COL1A2: variants seen among roughly 807,000 people sequenced by gnomAD.
COL1A2 encodes the protein collagen alpha-2(I) chain.
Under a neutral mutation model 174.3 loss-of-function variants are expected in COL1A2, and 49 were observed. The observed-to-expected ratio is 0.28, with a 90% confidence interval of 0.22 to 0.36. The LOEUF is 0.36. COL1A2 is among the 10% of genes least tolerant of loss of function. COL1A2 has a pLI of 1.00. For synonymous variants in COL1A2, 655 were observed against 606.6 expected (o/e 1.08, Z -1.17); for missense variants, 1,438 against 1,822.7 (o/e 0.79, Z 3.84).
chr7:94,416,700 T>G (rs866343285), intron 31 of COL1A2, 197 bp downstream of exon 31: 6 of 586,208 alleles, frequency 1.0e-5, no homozygotes, highest in South Asian at 4.2e-5. Context: ...CAACAAACTG[T>G]GGGGGAAAAT....
At position 94,414,285 on chromosome 7, in the gene COL1A2, A is replaced by G. The variant is rs779198513; in HGVS notation, c.1719+10A>G. 2 of 1,613,612 alleles carry G rather than the reference A, an allele frequency of 1.2e-6. No homozygotes were observed. Among genetic ancestry groups the G allele is most frequent in the East Asian group, 4.5e-5 (2 of 44,870 alleles). On this transcript the variant is annotated intron_variant, in intron 29 of 51. Transcript: ENST00000297268. The stretch of plus-strand genomic sequence containing the variant: ...CAAACCAGGAGAAAGGGTGAGTAAA[A>G]CAAGTAATAGTAAGTAGTAACTACT...
chr7:94,429,552 C>T (rs1289856495), intron 51 of COL1A2, 122 bp downstream of exon 51: 3 of 967,506 alleles, frequency 3.1e-6, no homozygotes, highest in East Asian at 2.4e-5. Flanking sequence ...AGAGAACTAA[C>T]TTATTTCATA....
Position 94,427,867 on chromosome 7 carries a change from C to CA in COL1A2, c.3509dup (p.His1170GlnfsTer12). 1 of 1,614,144 alleles carries CA rather than the reference C, an allele frequency of 6.2e-7. No homozygotes were observed. The highest frequency in any genetic ancestry group is 8.5e-7 in the Non-Finnish European group (1 of 1,180,020). The stretch of plus-strand genomic sequence containing the variant: ...CACATGCCGTGACTTGAGACTCAGC[C>CA]ACCCAGAGTGGAGCAGTGGTAGGTC... On this transcript the variant is annotated frameshift_variant, in exon 49 of 52. Coordinates refer to ENST00000297268, the MANE Select transcript of COL1A2 (RefSeq NM_000089.4). LOFTEE classifies it high-confidence loss of function.
chr7:94,398,342 C>T (rs1239711972), intron 2 of COL1A2, 40 bp from the exon 3 acceptor site: 6 of 753,422 alleles, frequency 8.0e-6, no homozygotes, highest in East Asian at 8.5e-5. Context: ...TATATATATA[C>T]AATTTTCTTC....
At position 94,420,566 on chromosome 7, in the gene COL1A2, A is replaced by G; in HGVS notation, c.2213A>G (p.Lys738Arg). 1 of 1,613,948 alleles carries G rather than the reference A, an allele frequency of 6.2e-7. No individual in the cohort carries two copies. The highest frequency in any genetic ancestry group is 8.5e-7 in the Non-Finnish European group (1 of 1,179,946). Residue 738 changes from lysine (K) to arginine (R), a missense_variant, in exon 37 of 52, where the codon AAA becomes AGA. Around this residue, in one of 3 missense-constraint regions of COL1A2, gnomAD observed 867 missense variants for 1,213.7 expected, o/e 0.71. Coordinates refer to ENST00000297268, the MANE Select transcript of COL1A2 (RefSeq NM_000089.4). ...GGTGCTGCTGGTCAACCTGGTGCTA[A>G]AGGAGAAAGAGGAGCCAAAGGGCCT... ...PAGAAGQPGA[K>R]GERGAKGPKG...
chr7:94,412,576 G>A lies in COL1A2; in HGVS notation c.1405-8G>A. The A allele has an allele frequency of 6.2e-7, 1 of 1,611,328 alleles. No individual in the cohort carries two copies. Among genetic ancestry groups the A allele is most frequent in the Non-Finnish European group, 8.5e-7 (1 of 1,178,026 alleles). ...CACTGAGTAAACTTGAAATAACTCT[G>A]CTTTCAGGGCCTCCCTGGCATCGAC... is the stretch of plus-strand genomic sequence containing the variant. On this transcript the variant is annotated splice_polypyrimidine_tract_variant and splice_region_variant and intron_variant, in intron 24 of 51. Coordinates refer to ENST00000297268, the MANE Select transcript of COL1A2 (RefSeq NM_000089.4).
intron 12 of COL1A2, among the ~76,000 whole-genome samples, chr7:94,407,356 A>ACTACTACTG (rs1562899908): frequency 6.6e-6 from 1 of 151,894 alleles, no homozygotes; most frequent in Non-Finnish European, 1.5e-5. Context: ...TACTACTACT[A>ACTACTACTG]CTACTACCCT....
Position 94,429,449 on chromosome 7 carries a change from T to C in COL1A2, c.3954+19T>C, listed in dbSNP as rs369698720. 1.2e-5 allele frequency: 20 copies of C among 1,613,092 alleles called. 1 individual carries two copies. In the African/African-American group the frequency reaches 1.7e-4, roughly 14 times the overall value. Reference sequence around the variant, plus strand: ...CTGCTCTGTAAGTAATAGTGAAATATGGGAATAGCTTTGGGAAGTGGGATG... The same window carrying C: ...CTGCTCTGTAAGTAATAGTGAAATACGGGAATAGCTTTGGGAAGTGGGATG... On this transcript the variant is annotated intron_variant, in intron 51 of 51. Coordinates refer to ENST00000297268, the MANE Select transcript of COL1A2 (RefSeq NM_000089.4).
intron 6 of COL1A2, among the ~76,000 whole-genome samples, chr7:94,403,796 G>A (rs575405632): frequency 2.6e-5 from 4 of 152,236 alleles, no homozygotes; most frequent in African/African-American, 9.6e-5. Flanking sequence ...AGCTTACACA[G>A]GCACTGATTA....
At chr7:94,419,853 A>G (rs1792118107) in intron 34 of COL1A2, among the ~76,000 whole-genome samples, 1 of 152,214 alleles carries the variant, frequency 6.6e-6, no homozygotes, top group African/African-American at 2.4e-5. Context: ...TTCAATTATT[A>G]CCAAAAAATC....
intron 6 of COL1A2, among the ~76,000 whole-genome samples, chr7:94,404,025 T>G (rs760043): frequency 0.15 from 22,283 of 152,208 alleles, 2,145 homozygotes; most frequent in East Asian, 0.26. Flanking sequence ...TTGTTTGACA[T>G]TTTCATCAGT....
intron 1 of COL1A2, among the ~76,000 whole-genome samples, chr7:94,397,402 C>T (rs1791605056): frequency 6.6e-6 from 1 of 152,106 alleles, no homozygotes; most frequent in Non-Finnish European, 1.5e-5. Context: ...ACTAGTCTTA[C>T]ATTCAGCGAT....
intron 1 of COL1A2, among the ~76,000 whole-genome samples, chr7:94,397,277 T>C (rs1160043020): frequency 6.6e-6 from 1 of 152,176 alleles, no homozygotes; most frequent in African/African-American, 2.4e-5. Flanking sequence ...CAATGTTTCA[T>C]AAAAAACAAA....
chr7:94,406,574 A>G (rs868287949), intron 12 of COL1A2, among the ~76,000 whole-genome samples: 4 of 152,156 alleles, frequency 2.6e-5, no homozygotes, highest in Admixed American at 1.3e-4. Context: ...TCCTCCCTCT[A>G]TAATTCCAGT....
At chr7:94,416,739 G>A in intron 31 of COL1A2, 1 of 544,148 alleles carries the variant, frequency 1.8e-6, no homozygotes, top group South Asian at 2.3e-5. Context: ...AAATGAATTA[G>A]TATGGGTTGT....
rs1270678648 is a variant in COL1A2, at chr7:94,409,357, T to A, written c.828T>A (p.Ala276=). Reference sequence around the variant, plus strand: ...GAGCTGTTGGTAACGCTGGTCCTGCTGGTCCCGCCGGTCCCCGTGGTGAAG... The same window carrying A: ...GAGCTGTTGGTAACGCTGGTCCTGCAGGTCCCGCCGGTCCCCGTGGTGAAG... ...EIGAVGNAGP[A]GPAGPRGEVG... is the part of the protein sequence containing the mutation. The change falls in exon 17 of 52, where the codon GCT becomes GCA. Residue 276 remains alanine, a synonymous_variant. Coordinates refer to ENST00000297268, the MANE Select transcript of COL1A2 (RefSeq NM_000089.4). The A allele has an allele frequency of 5.0e-6, 8 of 1,614,204 alleles. No individual in the cohort carries two copies. The highest frequency in any genetic ancestry group is 6.8e-6 in the Non-Finnish European group (8 of 1,180,026).
chr7:94,396,965 C>T (rs1484679091), intron 1 of COL1A2, among the ~76,000 whole-genome samples: 1 of 152,094 alleles, frequency 6.6e-6, no homozygotes. Context: ...GGACTTATAA[C>T]AATTATGGCA....
intron 28 of COL1A2, 38 bp from the exon 29 acceptor site, chr7:94,414,184 G>T: frequency 6.2e-7 from 1 of 1,609,252 alleles, no homozygotes. Context: ...CCTGAACGTA[G>T]CCATGGGATT....
intron 34 of COL1A2, 93 bp from the exon 35 acceptor site, chr7:94,420,140 A>T: frequency 1.3e-6 from 2 of 1,537,490 alleles, no homozygotes; most frequent in Non-Finnish European, 9.0e-7. Flanking sequence ...GCAACTACAG[A>T]CTCTGTCTGT....
Sources: gnomAD v4.1 joint callset for allele counts (sites outside exome capture counted in the v4.1 genomes callset) on GRCh38, gnomAD v4.1.1 for gene constraint, gnomAD v4.1.1 regional missense constraint, MANE v1.5 for transcripts, NCBI Gene and HGNC (gene_info 2026-07-23, HGNC 2026-07-21) for gene names.